Variants in MGLL observed in about 807,000 individuals in gnomAD.
MGLL encodes the protein monoglyceride lipase.
In MGLL, 7 loss-of-function variants were observed where a neutral mutation model predicts 29.1. That is an observed-to-expected ratio of 0.24 (90% CI 0.14 to 0.45). The LOEUF (loss-of-function observed/expected upper bound fraction) is 0.45, where lower values mean the gene tolerates loss of function less well. Among genes scored for constraint, MGLL ranks in the 20% least tolerant of loss-of-function variants. MGLL has a pLI of 0.99. For missense variants in MGLL, 356 were observed against 413.6 expected (o/e 0.86, Z 1.21); for synonymous variants, 148 against 168.3 (o/e 0.88, Z 0.93).
chr3:127,692,187 G>C lies in MGLL; in HGVS notation c.*11C>G. The stretch of plus-strand genomic sequence containing the variant: ...TCCCCCAGACCATGAGCCGGGCACC[G>C]GCCAATGCATTCAGGGTGGGGACGC... On this transcript the variant is annotated 3_prime_UTR_variant, in exon 8 of 8. Coordinates refer to ENST00000265052, the MANE Select transcript of MGLL (RefSeq NM_007283.7). 6.3e-7 allele frequency: 1 copy of C among 1,581,998 alleles called. No homozygotes were observed. Among genetic ancestry groups the C allele is most frequent in the Non-Finnish European group, 8.6e-7 (1 of 1,164,724 alleles).
intron 6 of MGLL, among the ~76,000 whole-genome samples, chr3:127,702,937 T>G (rs2075524671): frequency 6.6e-6 from 1 of 152,180 alleles, no homozygotes; most frequent in Non-Finnish European, 1.5e-5. Context: ...TCAGGTGATC[T>G]GCCCACCTCG....
chr3:127,722,344 G>A, intron 4 of MGLL, 86 bp downstream of exon 4: 4 of 1,564,436 alleles, frequency 2.6e-6, no homozygotes, highest in South Asian at 1.1e-5. Flanking sequence ...AGAGCAGTGG[G>A]GGGCAGGAAG....
chr3:127,726,184 G>GAA (rs749672396), intron 3 of MGLL, among the ~76,000 whole-genome samples: 1 of 63,238 alleles, frequency 1.6e-5, no homozygotes, highest in African/African-American at 5.5e-5. Flanking sequence ...AAGAAAGAAA[G>GAA]AAAAGAAAAG....
At chr3:127,797,461 A>C (rs1388240400) in intron 2 of MGLL, among the ~76,000 whole-genome samples, 1 of 152,202 alleles carries the variant, frequency 6.6e-6, no homozygotes, top group Non-Finnish European at 1.5e-5. Flanking sequence ...ATAGAAACTC[A>C]GGGTGAAAAG....
At chr3:127,754,212 G>A (rs376154937) in intron 3 of MGLL, among the ~76,000 whole-genome samples, 4 of 152,256 alleles carry the variant, frequency 2.6e-5, no homozygotes, top group East Asian at 1.9e-4. Context: ...GTCACGACCC[G>A]CCAGGCACTG....
At chr3:127,748,393 G>GGAGA (rs986524524) in intron 3 of MGLL, among the ~76,000 whole-genome samples, 2 of 146,900 alleles carry the variant, frequency 1.4e-5, no homozygotes, top group Non-Finnish European at 3.0e-5. Flanking sequence ...AGGGAGGGAG[G>GGAGA]GAGAGAGAGA....
intron 2 of MGLL, among the ~76,000 whole-genome samples, chr3:127,786,800 G>C (rs1269864630): frequency 2.0e-5 from 3 of 152,212 alleles, no homozygotes; most frequent in Non-Finnish European, 4.4e-5. Flanking sequence ...AATGCGGATG[G>C]GGCAGGGGTC....
intron 3 of MGLL, among the ~76,000 whole-genome samples, chr3:127,726,638 G>C (rs2076052444): frequency 6.6e-6 from 1 of 152,006 alleles, no homozygotes; most frequent in South Asian, 2.1e-4. Flanking sequence ...CACCATGTTA[G>C]CCAGGATGGT....
At chr3:127,713,635 C>T (rs2075761284) in intron 5 of MGLL, 2 of 152,314 alleles carry the variant, frequency 1.3e-5, no homozygotes, top group Admixed American at 6.5e-5. Flanking sequence ...CCAAGCCCAC[C>T]ACCAGATTTC....
intron 5 of MGLL, among the ~76,000 whole-genome samples, chr3:127,720,029 G>A (rs999534055): frequency 9.8e-5 from 15 of 152,316 alleles, no homozygotes; most frequent in African/African-American, 3.4e-4. Flanking sequence ...GTGGTCATGG[G>A]CTGAAGGAAA....
chr3:127,770,203 G>A (rs933966247), intron 3 of MGLL, among the ~76,000 whole-genome samples: 3 of 151,954 alleles, frequency 2.0e-5, no homozygotes, highest in African/African-American at 7.3e-5. Context: ...TATTATTTTT[G>A]TAGAGACAGA....
intron 6 of MGLL, among the ~76,000 whole-genome samples, chr3:127,696,798 T>G (rs2075376574): frequency 6.6e-6 from 1 of 151,826 alleles, no homozygotes; most frequent in South Asian, 2.1e-4. Flanking sequence ...GAGGACTGGG[T>G]GAGGGTCAGA....
chr3:127,736,407 G>A (rs1304610537), intron 3 of MGLL: 2 of 922,460 alleles, frequency 2.2e-6, no homozygotes, highest in African/African-American at 1.8e-5. Flanking sequence ...AGAGTAATGA[G>A]TCACAAAGAG....
intron 5 of MGLL, chr3:127,712,650 C>T (rs941152167): frequency 1.3e-5 from 2 of 152,256 alleles, no homozygotes; most frequent in African/African-American, 4.8e-5. Context: ...GCCCTGGGCT[C>T]CGACTTTGAC....
chr3:127,744,751 T>C (rs763235829), intron 3 of MGLL, among the ~76,000 whole-genome samples: 4 of 152,218 alleles, frequency 2.6e-5, no homozygotes, highest in Non-Finnish European at 4.4e-5. Context: ...CAAGAGCTTT[T>C]ACACCGCCGG....
At chr3:127,815,461 A>G (rs973818438) in intron 2 of MGLL, among the ~76,000 whole-genome samples, 1 of 152,184 alleles carries the variant, frequency 6.6e-6, no homozygotes, top group Non-Finnish European at 1.5e-5. Context: ...GTCCATGTTC[A>G]TCTCTCCATC....
At position 127,719,698 on chromosome 3, in the gene MGLL, A is replaced by G. The variant is rs80199236; in HGVS notation, c.510+1355T>C. 8.3e-4 allele frequency among the ~76,000 whole-genome samples: 127 copies of G among 152,322 alleles called. 1 individual carries two copies. Among genetic ancestry groups the G allele is most frequent in the East Asian group, 6.2e-3 (32 of 5,180 alleles). ...TGTCTCCCCCCAATCGCACGTTTCAATGATGAAGAGGTAGTGCACATCCGG... is the reference window on the plus strand; with the variant it reads ...TGTCTCCCCCCAATCGCACGTTTCAGTGATGAAGAGGTAGTGCACATCCGG... On this transcript the variant is annotated intron_variant, in intron 5 of 7. Coordinates refer to ENST00000265052, the MANE Select transcript of MGLL (RefSeq NM_007283.7).
chr3:127,721,720 C>T (rs1414891534), intron 4 of MGLL, among the ~76,000 whole-genome samples: 2 of 152,060 alleles, frequency 1.3e-5, no homozygotes, highest in African/African-American at 2.4e-5. Context: ...CAAATGCTCA[C>T]GGGGCTGGGC....
At chr3:127,726,188 A>C (rs1396230473) in intron 3 of MGLL, among the ~76,000 whole-genome samples, 3 of 50,080 alleles carry the variant, frequency 6.0e-5, no homozygotes, top group Non-Finnish European at 9.8e-5. Flanking sequence ...AAGAAAGAAA[A>C]GAAAAGAAAG....
Sources: gnomAD v4.1 joint callset for allele counts (sites outside exome capture counted in the v4.1 genomes callset) on GRCh38, gnomAD v4.1.1 for gene constraint, MANE v1.5 for transcripts, NCBI Gene and HGNC (gene_info 2026-07-23, HGNC 2026-07-21) for gene names.